RIC1: variants seen among roughly 807,000 people sequenced by gnomAD.
The protein encoded by RIC1 is RIC1 partner of RAB6A GEF complex.
In RIC1, 88 loss-of-function variants were observed where a neutral mutation model predicts 169.0. The observed-to-expected ratio is 0.52, with a 90% CI of 0.44 to 0.62. RIC1 has a LOEUF of 0.62. Among genes scored for constraint, RIC1 ranks in the 20% least tolerant of loss-of-function variants. The pLI, the probability that RIC1 is intolerant of heterozygous loss-of-function variation, is 0.00. For missense variants in RIC1, 1,877 were observed against 1,725.5 expected (o/e 1.09, Z -1.56); for synonymous variants, 790 against 601.5 (o/e 1.31, Z -4.59).
intron 3 of RIC1, among the ~76,000 whole-genome samples, chr9:5,693,223 G>A (rs1050870523): frequency 2.0e-5 from 3 of 152,054 alleles, no homozygotes; most frequent in East Asian, 1.9e-4. Flanking sequence ...ATTGTCTCTC[G>A]TTTCTCTTCT....
At chr9:5,740,720 T>G (rs995540540) in intron 8 of RIC1, among the ~76,000 whole-genome samples, 1 of 151,878 alleles carries the variant, frequency 6.6e-6, no homozygotes, top group Non-Finnish European at 1.5e-5. Flanking sequence ...GATTAGATTG[T>G]GCCCACCCAG....
intron 4 of RIC1, among the ~76,000 whole-genome samples, chr9:5,715,378 C>G (rs1206613874): frequency 6.6e-6 from 1 of 152,130 alleles, no homozygotes; most frequent in Non-Finnish European, 1.5e-5. Context: ...CCATCTTGTC[C>G]AAGTTTAACC....
intron 1 of RIC1, among the ~76,000 whole-genome samples, chr9:5,645,493 C>T (rs751544374): frequency 1.3e-5 from 2 of 152,128 alleles, no homozygotes; most frequent in Non-Finnish European, 2.9e-5. Context: ...CATCAGTATC[C>T]AGAACTTTCA....
At chr9:5,658,160 AAAG>A (rs1819218573) in intron 2 of RIC1, among the ~76,000 whole-genome samples, 1 of 152,156 alleles carries the variant, frequency 6.6e-6, no homozygotes, top group African/African-American at 2.4e-5. Flanking sequence ...CAAAAGAACC[AAAG>A]AAGACAAAAA....
At chr9:5,706,850 G>A (rs1179824585) in intron 3 of RIC1, among the ~76,000 whole-genome samples, 1 of 151,818 alleles carries the variant, frequency 6.6e-6, no homozygotes, top group African/African-American at 2.4e-5. Flanking sequence ...TTTTTCAATT[G>A]TATTGATGTT....
At chr9:5,753,461 A>G (rs895046119) in intron 13 of RIC1, 75 bp from the exon 14 acceptor site, 60 of 936,760 alleles carry the variant, frequency 6.4e-5, no homozygotes, top group Non-Finnish European at 1.7e-6. Context: ...TTTGCCTGAC[A>G]CAATACTAAG....
intron 6 of RIC1, among the ~76,000 whole-genome samples, chr9:5,729,615 A>G (rs188656169): frequency 1.2e-4 from 19 of 152,270 alleles, no homozygotes; most frequent in Admixed American, 5.2e-4. Flanking sequence ...TAGGAGTCCA[A>G]GAAGCTAAAT....
Position 5,757,330 on chromosome 9 carries a change from G to A in RIC1, c.1871G>A (p.Gly624Asp). The change falls in exon 17 of 26, where the codon GGT becomes GAT. Residue 624 changes from glycine to aspartate, a missense_variant. Physicochemically the swap from Gly to Asp is moderately conservative, Grantham distance 94. This residue lies in a region of RIC1 where 1,104 missense variants were observed against 992.0 expected (regional missense o/e 1.11). Transcript: ENST00000414202. ...RKSDGPNTTA[G>D]IQVLQEVSMS... ...TTTTACAGTCCAAATACTACTGCTG[G>A]TATTCAAGTTCTTCAGGAGGTTTCC... The A allele has an allele frequency of 6.2e-7, 1 of 1,614,020 alleles. No homozygotes were observed. Among genetic ancestry groups the A allele is most frequent in the Non-Finnish European group, 8.5e-7 (1 of 1,179,932 alleles).
rs1345141731 is a variant in RIC1 at position 5,647,986 on chromosome 9, G to GTGA, written c.145-8595_145-8594insATG. On this transcript the variant is annotated intron_variant, in intron 1 of 25. Transcript: ENST00000414202. ...GGTGGTGGTGGTGATGGTGGTGGTGGTGGTGGTAGTGGTAGTGGTTTTTTC... is the reference window on the plus strand; with the variant it reads ...GGTGGTGGTGGTGATGGTGGTGGTGGTGATGGTGGTAGTGGTAGTGGTTTTTTC... Among the ~76,000 whole-genome samples the GTGA allele has an allele frequency of 4.7e-3, 550 of 116,452 alleles. 8 individuals are homozygous for GTGA. Among genetic ancestry groups the GTGA allele is most frequent in the African/African-American group, 0.02 (526 of 25,810 alleles). 76.4% of individuals were successfully genotyped at this position (116,452 alleles called of 152,430 possible).
At chr9:5,673,948 A>G (rs1820280099) in intron 2 of RIC1, among the ~76,000 whole-genome samples, 1 of 152,192 alleles carries the variant, frequency 6.6e-6, no homozygotes. Flanking sequence ...AGCTTTATAT[A>G]AAGAAAAAAA....
intron 9 of RIC1, 135 bp downstream of exon 9, chr9:5,743,148 T>C: frequency 1.4e-6 from 1 of 701,916 alleles, no homozygotes; most frequent in Non-Finnish European, 2.3e-6. Context: ...GTTCATAATC[T>C]GTTCGAATAT....
In RIC1 at chr9:5,738,545, CTTTTTTTTTT is replaced by C. The variant is rs74310870; in HGVS notation, c.901+19_901+28del. 1.6e-5 allele frequency: 13 copies of C among 815,720 alleles called. No homozygotes were observed. The highest frequency in any genetic ancestry group is 1.5e-4 in the Admixed American group (4 of 27,078). The allele number at this position is 815,720 out of a possible 1,614,324, so 50.5% of individuals were successfully genotyped here. ...ACAGCAAAACAGTATCCTGGTGAGT[CTTTTTTTTTT>C]TTTTTTTTTTTAACATTTTTAATGT... On this transcript the variant is annotated splice_region_variant and intron_variant, in intron 8 of 25. Transcript: ENST00000414202.
chr9:5,655,784 T>A (rs1228949343), intron 1 of RIC1, among the ~76,000 whole-genome samples: 1 of 152,232 alleles, frequency 6.6e-6, no homozygotes, highest in East Asian at 1.9e-4. Flanking sequence ...TAATTTTTTT[T>A]AATACCTTGT....
chr9:5,742,605 G>C (rs1485974359), intron 8 of RIC1, among the ~76,000 whole-genome samples: 1 of 151,986 alleles, frequency 6.6e-6, no homozygotes, highest in Non-Finnish European at 1.5e-5. Context: ...GCAGTTATAA[G>C]TTAATCAAGC....
rs757237549 is a variant in RIC1 at position 5,768,973 on chromosome 9, G to A, written c.3141G>A (p.Trp1047Ter). ...TTTCTTGTGTTTCCACTTACAGATG[G>A]AGCAAAGACAGTGACTGTGCTGAGA... ...SMPSGPSGKR[W>*]SKDSDCAENM... The change falls in exon 22 of 26, where the codon TGG becomes TGA. Residue 1047 changes from tryptophan to a stop codon, truncating the protein, a stop_gained. Coordinates refer to ENST00000414202, the MANE Select transcript of RIC1 (RefSeq NM_020829.4). LOFTEE classifies it high-confidence loss of function. 6.2e-7 allele frequency: 1 copy of A among 1,604,640 alleles called. No homozygotes were observed.
chr9:5,684,747 T>G (rs1369974104), intron 2 of RIC1, among the ~76,000 whole-genome samples: 3 of 152,176 alleles, frequency 2.0e-5, no homozygotes, highest in African/African-American at 7.2e-5. Flanking sequence ...TAGACAGTGT[T>G]GAATATGATG....
intron 1 of RIC1, among the ~76,000 whole-genome samples, chr9:5,638,736 T>C (rs1455493270): frequency 2.6e-5 from 4 of 152,210 alleles, no homozygotes. Context: ...TTAAGGTTTG[T>C]CAATTTTGTT....
chr9:5,777,511 C>G (rs1827657138), downstream of RIC1, among the ~76,000 whole-genome samples: 1 of 151,790 alleles, frequency 6.6e-6, no homozygotes, highest in Non-Finnish European at 1.5e-5. Flanking sequence ...ATTTCACTTT[C>G]TCCATAATGT....
intron 2 of RIC1, among the ~76,000 whole-genome samples, chr9:5,684,247 C>T (rs931588375): frequency 7.9e-5 from 9 of 114,232 alleles, no homozygotes; most frequent in Non-Finnish European, 1.5e-4. Flanking sequence ...TAGACTGGAG[C>T]TGTTCCTATT....
Sources: gnomAD v4.1 joint callset for allele counts (sites outside exome capture counted in the v4.1 genomes callset) on GRCh38, gnomAD v4.1.1 for gene constraint, gnomAD v4.1.1 regional missense constraint, MANE v1.5 for transcripts, NCBI Gene and HGNC (gene_info 2026-07-23, HGNC 2026-07-21) for gene names.